IL20RB: variants seen among roughly 807,000 people sequenced by gnomAD.
IL20RB encodes interleukin 20 receptor subunit beta.
A neutral mutation model predicts 33.3 loss-of-function variants in IL20RB; 21 were observed. That is an observed-to-expected ratio of 0.63 (90% CI 0.45 to 0.91). The LOEUF (loss-of-function observed/expected upper bound fraction) is 0.91. Ranked by LOEUF, IL20RB falls within the 40% of genes least tolerant of loss-of-function variation. The probability of loss-of-function intolerance (pLI) is 0.00; values close to 1 mark genes in which losing one functional copy is unlikely to be tolerated. For missense variants in IL20RB, 345 were observed against 384.8 expected (o/e 0.90, Z 0.86); for synonymous variants, 147 against 146.8 (o/e 1.00, Z -0.01).
intron 3 of IL20RB, among the ~76,000 whole-genome samples, chr3:136,988,807 T>C (rs906778947): frequency 6.6e-6 from 1 of 151,726 alleles, no homozygotes; most frequent in African/African-American, 2.4e-5. Flanking sequence ...GGGCTGAGAA[T>C]AGAATGGCCA....
chr3:136,970,760 C>A (rs1456794916), intron 1 of IL20RB, among the ~76,000 whole-genome samples: 1 of 152,000 alleles, frequency 6.6e-6, no homozygotes, highest in African/African-American at 2.4e-5. Flanking sequence ...TCAAGCGATT[C>A]TCCTGCCTCA....
At chr3:136,996,863 G>A (rs1371355169) in intron 6 of IL20RB, among the ~76,000 whole-genome samples, 1 of 152,176 alleles carries the variant, frequency 6.6e-6, no homozygotes, top group Non-Finnish European at 1.5e-5. Flanking sequence ...CTGGGAAACA[G>A]GGTGGGCCTT....
At chr3:136,977,563 T>C (rs1372194900) in intron 1 of IL20RB, among the ~76,000 whole-genome samples, 2 of 152,212 alleles carry the variant, frequency 1.3e-5, no homozygotes, top group Non-Finnish European at 1.5e-5. Context: ...TCTTGCTCTG[T>C]TGCCCAGGCT....
rs1047167346 is a variant in IL20RB at position 137,007,086 on chromosome 3, A to G, written c.826-3027A>G. Among the ~76,000 whole-genome samples the G allele has an allele frequency of 3.4e-4, 51 of 152,170 alleles. 1 individual carries two copies. The highest frequency in any genetic ancestry group is 4.4e-5 in the Non-Finnish European group (3 of 68,022). ...TCCACTCCAGACCGTTTGCCTGGGTATCACCAGTGGGGGCTGTAGAACAGC... is the reference window on the plus strand; with the variant it reads ...TCCACTCCAGACCGTTTGCCTGGGTGTCACCAGTGGGGGCTGTAGAACAGC... On this transcript the variant is annotated intron_variant, in intron 6 of 6. Coordinates refer to ENST00000329582, the MANE Select transcript of IL20RB (RefSeq NM_144717.4).
intron 6 of IL20RB, among the ~76,000 whole-genome samples, chr3:136,995,952 C>G (rs1278826158): frequency 6.6e-6 from 1 of 152,166 alleles, no homozygotes; most frequent in Non-Finnish European, 1.5e-5. Context: ...TGTTCCAACC[C>G]AACTTATTCA....
At chr3:136,993,044 A>T (rs892070049) in intron 5 of IL20RB, among the ~76,000 whole-genome samples, 4 of 152,234 alleles carry the variant, frequency 2.6e-5, no homozygotes, top group Admixed American at 6.5e-5. Context: ...CTTGCTTAAC[A>T]ATCCAAACAA....
At chr3:136,984,802 T>C (rs1941861653) in intron 3 of IL20RB, among the ~76,000 whole-genome samples, 2 of 151,998 alleles carry the variant, frequency 1.3e-5, no homozygotes, top group South Asian at 4.1e-4. Context: ...ATGGAGAGGA[T>C]GATCATCTGG....
intron 6 of IL20RB, among the ~76,000 whole-genome samples, chr3:137,004,855 T>A (rs1464485045): frequency 1.3e-5 from 2 of 152,204 alleles, no homozygotes; most frequent in Non-Finnish European, 2.9e-5. Flanking sequence ...TTAATTGTGA[T>A]GTTAGGGTGT....
chr3:136,982,217 C>A lies in IL20RB; in HGVS notation c.273C>A (p.Leu91=). 1 of 1,605,598 alleles carries A rather than the reference C, an allele frequency of 6.2e-7. No individual in the cohort carries two copies. Among genetic ancestry groups the A allele is most frequent in the South Asian group, 1.1e-5 (1 of 90,616 alleles). The change falls in exon 3 of 7, where the codon CTC becomes CTA. Residue 91 remains leucine (L), a synonymous_variant. Coordinates refer to ENST00000329582, the MANE Select transcript of IL20RB (RefSeq NM_144717.4). ...GGATCCCCAGCAGCTGGTGCTCACT[C>A]ACTGAAGGTCCTGAGTGTGATGTCA... The part of the protein sequence containing the change: ...HIWIPSSWCS[L]TEGPECDVTD...
Position 136,989,469 on chromosome 3 carries a change from C to A in IL20RB, c.435C>A (p.Ile145=), listed in dbSNP as rs1189930406. 5 of 1,614,016 alleles carry A rather than the reference C, an allele frequency of 3.1e-6. No homozygotes were observed. Among genetic ancestry groups the A allele is most frequent in the Non-Finnish European group, 4.2e-6 (5 of 1,179,922 alleles). The change falls in exon 4 of 7, where the codon ATC becomes ATA. Residue 145 remains isoleucine, a synonymous_variant. Coordinates refer to ENST00000329582, the MANE Select transcript of IL20RB (RefSeq NM_144717.4). The part of the protein sequence containing the change: ...STILTRPGME[I]TKDGFHLVIE... ...TCCTTACCCGACCTGGGATGGAGAT[C>A]ACCAAAGATGGCTTCCACCTGGTTA... is the stretch of plus-strand genomic sequence containing the variant.
In IL20RB at chr3:137,010,469, G is replaced by C. The variant is rs1422863968; in HGVS notation, c.*246G>C. ...CCACTTGCTGGCTGAGCAACCCTGG[G>C]AAAAGTGACTTCATCCCTTCGGTCC... On this transcript the variant is annotated 3_prime_UTR_variant, in exon 7 of 7. Coordinates refer to ENST00000329582, the MANE Select transcript of IL20RB (RefSeq NM_144717.4). 1 of 427,290 alleles carries C rather than the reference G, an allele frequency of 2.3e-6. No individual in the cohort carries two copies. The highest frequency in any genetic ancestry group is 4.2e-6 in the Non-Finnish European group (1 of 237,966). The allele number at this position is 427,290 out of a possible 1,614,324, so 26.5% of individuals were successfully genotyped here. A position where few individuals can be genotyped will look rare whatever the true frequency, so the allele number is the denominator to read the frequency against.
At chr3:136,972,645 T>C (rs1941515350) in intron 1 of IL20RB, among the ~76,000 whole-genome samples, 1 of 152,168 alleles carries the variant, frequency 6.6e-6, no homozygotes, top group South Asian at 2.1e-4. Flanking sequence ...TGACATCTTC[T>C]TTTTAATTTC....
chr3:136,984,408 G>C (rs1941853362), intron 3 of IL20RB, among the ~76,000 whole-genome samples: 1 of 152,004 alleles, frequency 6.6e-6, no homozygotes, highest in African/African-American at 2.4e-5. Flanking sequence ...CATGGAGGTA[G>C]GAAGGAGCAA....
At position 137,005,912 on chromosome 3, in the gene IL20RB, A is replaced by G. The variant is rs1049057010; in HGVS notation, c.826-4201A>G. The stretch of plus-strand genomic sequence containing the variant: ...TTGCAGTGGCTGGTACTGGTTGTTC[A>G]TCTCCATGTTTAGTGCTTCCTTCAG... On this transcript the variant is annotated intron_variant, in intron 6 of 6. Coordinates refer to ENST00000329582, the MANE Select transcript of IL20RB (RefSeq NM_144717.4). Among the ~76,000 whole-genome samples, 3 of 152,072 alleles carry G rather than the reference A, an allele frequency of 2.0e-5. No homozygotes were observed. In the East Asian group the frequency reaches 5.8e-4, roughly 29 times the overall value.
At chr3:136,981,489 A>G (rs1941773780) in intron 2 of IL20RB, among the ~76,000 whole-genome samples, 1 of 152,174 alleles carries the variant, frequency 6.6e-6, no homozygotes. Context: ...GGCTGATGCC[A>G]TAGAGAGTTG....
At position 137,005,845 on chromosome 3, in the gene IL20RB, G is replaced by A. The variant is rs1346588842; in HGVS notation, c.826-4268G>A. ...GTTATTTTGCCCATTAGTTGATGCA[G>A]TTTCTTCCTAGCGTCGATGGTCTTT... On this transcript the variant is annotated intron_variant, in intron 6 of 6. Coordinates refer to ENST00000329582, the MANE Select transcript of IL20RB (RefSeq NM_144717.4). Among the ~76,000 whole-genome samples, 4 of 152,172 alleles carry A rather than the reference G, an allele frequency of 2.6e-5. No individual in the cohort carries two copies. The East Asian group carries it at 7.7e-4, about 29-fold the overall frequency.
In IL20RB at chr3:136,995,419, G is replaced by A. The variant is rs1329177787; in HGVS notation, c.688G>A (p.Ala230Thr). 1.9e-6 allele frequency: 3 copies of A among 1,614,000 alleles called. No homozygotes were observed. Among genetic ancestry groups the A allele is most frequent in the Non-Finnish European group, 2.5e-6 (3 of 1,179,952 alleles). ...TTTTTATCTTTTGTTTCCAGGAGAG[G>A]CCATTCCCCTGGTACTGGCCCTGTT... The part of the protein sequence containing the change: ...QTECVEVQGE[A>T]IPLVLALFAF... Residue 230 changes from alanine to threonine, a missense_variant, in exon 6 of 7, where the codon GCC (alanine) becomes ACC (threonine). Ala to Thr is a moderately conservative substitution (Grantham distance 58, BLOSUM62 0). Transcript: ENST00000329582.
rs746600387 is a variant in IL20RB, at chr3:136,995,521, T to C, written c.790T>C (p.Ser264Pro). 1.2e-6 allele frequency: 2 copies of C among 1,614,156 alleles called. No homozygotes were observed. The highest frequency in any genetic ancestry group is 2.2e-5 in the East Asian group (1 of 44,874). The change falls in exon 6 of 7, where the codon TCC (serine) becomes CCC (proline). Residue 264 changes from serine to proline, a missense_variant. Ser to Pro is a moderately conservative substitution (Grantham distance 74). Transcript: ENST00000329582. Reference protein sequence around the residue: ...VWKMGRLLQYSCCPVVVLPDT... With the variant: ...VWKMGRLLQYPCCPVVVLPDT... The stretch of plus-strand genomic sequence containing the variant: ...GAAAATGGGCCGGCTGCTCCAGTAC[T>C]CCTGTTGCCCCGTGGTGGTCCTCCC...
intron 3 of IL20RB, among the ~76,000 whole-genome samples, chr3:136,986,277 G>A (rs913213947): frequency 6.6e-6 from 1 of 151,906 alleles, no homozygotes; most frequent in Non-Finnish European, 1.5e-5. Flanking sequence ...CAGGAACAAT[G>A]TTTACCTTCT....
Sources: gnomAD v4.1 joint callset for allele counts (sites outside exome capture counted in the v4.1 genomes callset) on GRCh38, gnomAD v4.1.1 for gene constraint, MANE v1.5 for transcripts, NCBI Gene and HGNC (gene_info 2026-07-23, HGNC 2026-07-21) for gene names.